The following CD1E variants were observed in gnomAD, a reference collection of about 807,000 sequenced individuals.
CD1E encodes the protein CD1e molecule.
In CD1E, 49 loss-of-function variants were observed where a neutral mutation model predicts 40.1. That is an observed-to-expected ratio of 1.22 (90% CI 0.97 to 1.55). CD1E has a LOEUF of 1.55. CD1E is among the 40% of genes most tolerant of loss of function. CD1E has a pLI of 0.00. For missense variants in CD1E, 492 were observed against 471.3 expected, an observed-to-expected ratio of 1.04 and a Z score of -0.41; for synonymous variants, 189 against 178.3, an observed-to-expected ratio of 1.06 and a Z score of -0.48.
Position 158,356,792 on chromosome 1 carries a change from C to T in CD1E, c.1063C>T (p.Gln355Ter). Residue 355 changes from glutamine (Q) to a stop codon, truncating the protein, a stop_gained, in exon 6 of 6, where the codon CAG becomes TAG. Transcript: ENST00000368167. LOFTEE classifies it low-confidence loss of function (END_TRUNC). ...SPVFLMGANTQDTKNSRHQFC... is the reference protein window; with the variant it reads ...SPVFLMGANT ...TGTCTTTCTCATGGGAGCCAACACTCAGGACACCAAGAATTCAAGACATCA... is the reference window on the plus strand; with the variant it reads ...TGTCTTTCTCATGGGAGCCAACACTTAGGACACCAAGAATTCAAGACATCA... The T allele has an allele frequency of 6.2e-7, 1 of 1,613,884 alleles. No homozygotes were observed. The highest frequency in any genetic ancestry group is 8.5e-7 in the Non-Finnish European group (1 of 1,179,842).
Position 158,355,380 on chromosome 1 carries a change from G to C in CD1E, c.436G>C (p.Asp146His). ...IFLNMAYQGS[D>H]FLSFQGISWE... Reference sequence around the variant, plus strand: ...CTTAAATATGGCATATCAAGGGTCAGATTTCCTGAGTTTCCAAGGAATTTC... The same window carrying C: ...CTTAAATATGGCATATCAAGGGTCACATTTCCTGAGTTTCCAAGGAATTTC... The change falls in exon 3 of 6, where the codon GAT becomes CAT. Residue 146 changes from aspartate to histidine, a missense_variant. Coordinates refer to ENST00000368167, the MANE Select transcript of CD1E (RefSeq NM_030893.4). 6.2e-7 allele frequency: 1 copy of C among 1,614,120 alleles called. No individual in the cohort carries two copies. The highest frequency in any genetic ancestry group is 8.5e-7 in the Non-Finnish European group (1 of 1,180,008).
Position 158,355,812 on chromosome 1 carries a change from T to C in CD1E, c.626-15T>C, listed in dbSNP as rs1056327789. 27 of 1,597,730 alleles carry C rather than the reference T, an allele frequency of 1.7e-5. No individual in the cohort carries two copies. The highest frequency in any genetic ancestry group is 2.3e-5 in the Non-Finnish European group (27 of 1,172,218). On this transcript the variant is annotated splice_polypyrimidine_tract_variant and intron_variant, in intron 3 of 5. Coordinates refer to ENST00000368167, the MANE Select transcript of CD1E (RefSeq NM_030893.4). Reference sequence around the variant, plus strand: ...CCTTCAAAATTCCATTTTTTTTCTATCTTCTTCTTCCTAGTGAAGCCAGAG... The same window carrying C: ...CCTTCAAAATTCCATTTTTTTTCTACCTTCTTCTTCCTAGTGAAGCCAGAG...
intron 1 of CD1E, 96 bp downstream of exon 1, chr1:158,354,142 T>A: frequency 9.1e-7 from 1 of 1,101,146 alleles, no homozygotes; most frequent in East Asian, 2.4e-5. Flanking sequence ...GCAGTACTCT[T>A]CTAGGATGCC....
chr1:158,356,973 C>T lies in CD1E; in HGVS notation c.*77C>T. The T allele has an allele frequency of 4.0e-6, 5 of 1,237,598 alleles. No individual in the cohort carries two copies. The highest frequency in any genetic ancestry group is 5.9e-6 in the Non-Finnish European group (5 of 848,916). 76.7% of individuals were successfully genotyped at this position (1,237,598 alleles called of 1,614,324 possible). ...GTCCATGTCCCATAAGGGAAGCATG[C>T]TTTTATTTAAACAGTTTATACTAGC... is the stretch of plus-strand genomic sequence containing the variant. On this transcript the variant is annotated 3_prime_UTR_variant, in exon 6 of 6. Coordinates refer to ENST00000368167, the MANE Select transcript of CD1E (RefSeq NM_030893.4).
At position 158,355,415 on chromosome 1, in the gene CD1E, A is replaced by G. The variant is rs1049381889; in HGVS notation, c.471A>G (p.Pro157=). The part of the protein sequence containing the change: ...FLSFQGISWE[P]SPGAGIRAQN... Reference sequence around the variant, plus strand: ...GTTTCCAAGGAATTTCCTGGGAGCCATCTCCAGGAGCAGGGATCCGGGCCC... The same window carrying G: ...GTTTCCAAGGAATTTCCTGGGAGCCGTCTCCAGGAGCAGGGATCCGGGCCC... The change falls in exon 3 of 6, where the codon CCA becomes CCG. Residue 157 remains proline (P), a synonymous_variant. Transcript: ENST00000368167. The G allele has an allele frequency of 4.3e-6, 7 of 1,614,102 alleles. No homozygotes were observed. Among genetic ancestry groups the G allele is most frequent in the Non-Finnish European group, 4.2e-6 (5 of 1,179,990 alleles).
At position 158,355,372 on chromosome 1, in the gene CD1E, A is replaced by G. The variant is rs761807945; in HGVS notation, c.428A>G (p.Gln143Arg). 1 of 1,614,066 alleles carries G rather than the reference A, an allele frequency of 6.2e-7. No individual in the cohort carries two copies. Among genetic ancestry groups the G allele is most frequent in the Non-Finnish European group, 8.5e-7 (1 of 1,179,962 alleles). ...CAAATCTTCTTAAATATGGCATATC[A>G]AGGGTCAGATTTCCTGAGTTTCCAA... ...APQIFLNMAY[Q>R]GSDFLSFQGI... The change falls in exon 3 of 6, where the codon CAA (glutamine) becomes CGA (arginine). Residue 143 changes from glutamine to arginine, a missense_variant. Gln to Arg is a conservative substitution (Grantham distance 43, BLOSUM62 1). Transcript: ENST00000368167.
chr1:158,356,017 C>G lies in CD1E; in HGVS notation c.816C>G (p.Thr272=), dbSNP rs1305247782. ...NADETWYLRA[T]LDVAAGEAAG... ...ACGAGACATGGTATCTCCGAGCAAC[C>G]CTGGATGTGGCGGCTGGGGAGGCAG... is the stretch of plus-strand genomic sequence containing the variant. The change falls in exon 4 of 6, where the codon ACC becomes ACG. Residue 272 remains threonine (T), a synonymous_variant. Transcript: ENST00000368167. The G allele has an allele frequency of 1.2e-6, 2 of 1,613,994 alleles. No individual in the cohort carries two copies. Among genetic ancestry groups the G allele is most frequent in the African/African-American group, 1.3e-5 (1 of 74,908 alleles).
chr1:158,355,495 G>A lies in CD1E; in HGVS notation c.551G>A (p.Ser184Asn). 1 of 1,614,156 alleles carries A rather than the reference G, an allele frequency of 6.2e-7. No homozygotes were observed. The change falls in exon 3 of 6, where the codon AGC becomes AAC. Residue 184 changes from serine (S) to asparagine (N), a missense_variant. Coordinates refer to ENST00000368167, the MANE Select transcript of CD1E (RefSeq NM_030893.4). ...CTAGATATTAAGGAAATACTGCAAA[G>A]CCTTCTTGGTCACACCTGCCCTCGA... ...RYLDIKEILQ[S>N]LLGHTCPRFL...
chr1:158,354,670 G>C lies in CD1E; in HGVS notation c.352G>C (p.Glu118Gln). The C allele has an allele frequency of 6.2e-7, 1 of 1,610,680 alleles. No individual in the cohort carries two copies. The highest frequency in any genetic ancestry group is 8.5e-7 in the Non-Finnish European group (1 of 1,178,108). Residue 118 changes from glutamate (E) to glutamine (Q), a missense_variant, in exon 2 of 6, where the codon GAA becomes CAA. Glu to Gln is a conservative substitution (Grantham distance 29). Transcript: ENST00000368167. ...VQASAGQFQL[E>Q]YPFEIQILAG... is the part of the protein sequence containing the mutation. ...AGCTTCTGCTGGTCAATTTCAGCTT[G>C]AATGTAAGTTCGTTGCTCTAAGCTG... is the stretch of plus-strand genomic sequence containing the variant.
chr1:158,355,772 T>C, intron 3 of CD1E, 55 bp from the exon 4 acceptor site: 1 of 1,539,432 alleles, frequency 6.5e-7, no homozygotes, highest in Non-Finnish European at 8.7e-7. Flanking sequence ...GTCTCTGAGC[T>C]CTGGCCTGGG....
chr1:158,356,494 C>G lies in CD1E; in HGVS notation c.905-4C>G, dbSNP rs1395933378. 2.5e-6 allele frequency: 4 copies of G among 1,600,632 alleles called. No individual in the cohort carries two copies. The highest frequency in any genetic ancestry group is 3.4e-6 in the Non-Finnish European group (4 of 1,168,650). On this transcript the variant is annotated splice_region_variant and splice_polypyrimidine_tract_variant and intron_variant, in intron 4 of 5. Coordinates refer to ENST00000368167, the MANE Select transcript of CD1E (RefSeq NM_030893.4). ...GTTGGTATTCTTATTCTATCCCCAA[C>G]CAGGTGGATATTCCATCTTTCTCAT...
intron 4 of CD1E, 165 bp from the exon 5 acceptor site, chr1:158,356,333 G>A: frequency 1.3e-6 from 1 of 752,088 alleles, no homozygotes; most frequent in Non-Finnish European, 2.1e-6. Context: ...TAGTGGGAGA[G>A]GGTTGGGAGG....
At chr1:158,354,803 C>T (rs186646666) in intron 2 of CD1E, 130 bp downstream of exon 2, 5 of 763,380 alleles carry the variant, frequency 6.5e-6, no homozygotes, top group South Asian at 1.8e-5. Flanking sequence ...GACTCCCACT[C>T]CCTCCTCTGC....
Position 158,354,027 on chromosome 1 carries a change from T to C in CD1E, c.39T>C (p.Cys13=). ...LLFLLFEGLC[C]PGENTAAPQA... is the part of the protein sequence containing the mutation. Reference sequence around the variant, plus strand: ...TCCTCCTCTTCGAGGGTCTCTGCTGTCCTGGGGAAAATACAGCAGGTAAGA... The same window carrying C: ...TCCTCCTCTTCGAGGGTCTCTGCTGCCCTGGGGAAAATACAGCAGGTAAGA... The change falls in exon 1 of 6, where the codon TGT becomes TGC. Residue 13 remains cysteine, a synonymous_variant. Coordinates refer to ENST00000368167, the MANE Select transcript of CD1E (RefSeq NM_030893.4). 1 of 1,614,042 alleles carries C rather than the reference T, an allele frequency of 6.2e-7. No individual in the cohort carries two copies. The highest frequency in any genetic ancestry group is 1.3e-5 in the African/African-American group (1 of 75,030).
At position 158,355,967 on chromosome 1, in the gene CD1E, C is replaced by T. The variant is rs775938225; in HGVS notation, c.766C>T (p.Arg256Ter). Residue 256 changes from arginine (R) to a stop codon, truncating the protein, a stop_gained, in exon 4 of 6, where the codon CGA becomes TGA. Coordinates refer to ENST00000368167, the MANE Select transcript of CD1E (RefSeq NM_030893.4). LOFTEE classifies it high-confidence loss of function. Reference sequence around the variant, plus strand: ...TGAGCAGGAGCAGCGGGGCACTCAGCGAGGGGACGTCCTGCCTAATGCTGA... The same window carrying T: ...TGAGCAGGAGCAGCGGGGCACTCAGTGAGGGGACGTCCTGCCTAATGCTGA... ...RGEQEQRGTQ[R>*]GDVLPNADET... 54 of 1,614,086 alleles carry T rather than the reference C, an allele frequency of 3.3e-5. No homozygotes were observed. Among genetic ancestry groups the T allele is most frequent in the South Asian group, 5.5e-5 (5 of 91,076 alleles).
chr1:158,356,319 G>A (rs1653673795), intron 4 of CD1E, 179 bp from the exon 5 acceptor site: 1 of 754,008 alleles, frequency 1.3e-6, no homozygotes. Context: ...AGGAACTAGT[G>A]ATTTAGTGGG....
chr1:158,355,148 ACAAATTTTCTTC>A, intron 2 of CD1E, 140 bp from the exon 3 acceptor site: 27 of 387,876 alleles, frequency 7.0e-5, no homozygotes, highest in African/African-American at 3.4e-4. Flanking sequence ...TTTTCTTCCC[ACAAATTTTCTTC>A]CCCTTTGCCA....
In CD1E at chr1:158,354,480, G is replaced by A. The variant is rs755857940; in HGVS notation, c.162G>A (p.Glu54=). 3.7e-6 allele frequency: 6 copies of A among 1,614,098 alleles called. No homozygotes were observed. In the East Asian group the frequency reaches 1.1e-4, roughly 30 times the overall value. ...SFANHSWAHS[E]GSGWLGDLQT... is the part of the protein sequence containing the mutation. ...CCAACCACAGCTGGGCACACAGTGA[G>A]GGCTCAGGATGGCTGGGTGACCTGC... The change falls in exon 2 of 6, where the codon GAG becomes GAA. Residue 54 remains glutamate (E), a synonymous_variant. Transcript: ENST00000368167.
At position 158,353,970 on chromosome 1, in the gene CD1E, C is replaced by G. The variant is rs11809955; in HGVS notation, c.-19C>G. 2 of 1,611,642 alleles carry G rather than the reference C, an allele frequency of 1.2e-6. No homozygotes were observed. The highest frequency in any genetic ancestry group is 2.2e-5 in the East Asian group (1 of 44,862). On this transcript the variant is annotated 5_prime_UTR_variant, in exon 1 of 6. Transcript: ENST00000368167. Reference sequence around the variant, plus strand: ...GGGCAGGTGTCCTGCCAAGGAATCCCTCCTTTAACAGAGCTTCAATGCTGC... The same window carrying G: ...GGGCAGGTGTCCTGCCAAGGAATCCGTCCTTTAACAGAGCTTCAATGCTGC...
Sources: gnomAD v4.1 joint callset for allele counts on GRCh38, gnomAD v4.1.1 for gene constraint, MANE v1.5 for transcripts, NCBI Gene and HGNC (gene_info 2026-07-23, HGNC 2026-07-21) for gene names.